The following ZC3H7B variants were observed in gnomAD, a reference collection of about 807,000 sequenced individuals.
The protein encoded by ZC3H7B is zinc finger CCCH-type containing 7B, also known as zinc finger CCCH domain-containing protein 7B.
ZC3H7B carries 35 observed loss-of-function variants against 116.0 expected under a neutral mutation model. That is an observed-to-expected ratio of 0.30 (90% CI 0.23 to 0.40). The LOEUF (loss-of-function observed/expected upper bound fraction) is 0.40, where lower values mean the gene tolerates loss of function less well. Ranked by LOEUF, ZC3H7B falls within the 10% of genes least tolerant of loss-of-function variation. ZC3H7B has a pLI of 1.00. For missense variants in ZC3H7B, 1,011 were observed against 1,321.5 expected, an observed-to-expected ratio of 0.77 and a Z score of 3.64; for synonymous variants, 502 against 545.6, an observed-to-expected ratio of 0.92 and a Z score of 1.11.
In ZC3H7B at chr22:41,327,093, CCT is replaced by C; in HGVS notation, c.286-110_286-109del. The C allele has an allele frequency of 9.5e-6, 14 of 1,474,850 alleles. No homozygotes were observed. Among genetic ancestry groups the C allele is most frequent in the Non-Finnish European group, 1.3e-5 (14 of 1,095,460 alleles). The allele number at this position is 1,474,850 out of a possible 1,614,324, so 91.4% of individuals were successfully genotyped here. A position where few individuals can be genotyped will look rare whatever the true frequency, so the allele number is the denominator to read the frequency against. On this transcript the variant is annotated intron_variant, in intron 4 of 22. Coordinates refer to ENST00000352645, the MANE Select transcript of ZC3H7B (RefSeq NM_017590.6). This position sits in a 1 kb window ranked among gnomAD's most constrained non-coding sequence, Gnocchi z 4.5. ...CTGTCCCTGACCCAAGACTTCAGCTCCTCTGTCTCTGCCAGGAAGGGAAGCTG... is the reference window on the plus strand; with the variant it reads ...CTGTCCCTGACCCAAGACTTCAGCTCCTGTCTCTGCCAGGAAGGGAAGCTG...
At chr22:41,303,457 T>G (rs2036000711) in intron 1 of ZC3H7B, among the ~76,000 whole-genome samples, 1 of 152,222 alleles carries the variant, frequency 6.6e-6, no homozygotes, top group South Asian at 2.1e-4. Flanking sequence ...AGCTGAGATG[T>G]CGGTTGAGAC....
chr22:41,351,555 C>T lies in ZC3H7B; in HGVS notation c.1949-6C>T, dbSNP rs776396702. 1 of 1,612,246 alleles carries T rather than the reference C, an allele frequency of 6.2e-7. No individual in the cohort carries two copies. The highest frequency in any genetic ancestry group is 2.2e-5 in the East Asian group (1 of 44,832). On this transcript the variant is annotated splice_region_variant and splice_polypyrimidine_tract_variant and intron_variant, in intron 16 of 22. Coordinates refer to ENST00000352645, the MANE Select transcript of ZC3H7B (RefSeq NM_017590.6). The surrounding 1 kb of genome is among the most constrained non-coding windows in gnomAD (Gnocchi z 5.1). ...AGATGCCTGTGTCTGCCCCCACCCT[C>T]CCCAGGCATGACCCACGAAGACATC... is the stretch of plus-strand genomic sequence containing the variant.
At position 41,327,388 on chromosome 22, in the gene ZC3H7B, C is replaced by T; in HGVS notation, c.444+24C>T. On this transcript the variant is annotated intron_variant, in intron 5 of 22. Transcript: ENST00000352645. This position sits in a 1 kb window ranked among gnomAD's most constrained non-coding sequence, Gnocchi z 4.5. ...ACGTGAGTGTGGCTCTGCAGCCACGCCGGTGCCTGCTCAGAGGCCAGGCTT... is the reference window on the plus strand; with the variant it reads ...ACGTGAGTGTGGCTCTGCAGCCACGTCGGTGCCTGCTCAGAGGCCAGGCTT... 6.2e-7 allele frequency: 1 copy of T among 1,603,616 alleles called. No individual in the cohort carries two copies. The highest frequency in any genetic ancestry group is 8.5e-7 in the Non-Finnish European group (1 of 1,178,664).
intron 1 of ZC3H7B, among the ~76,000 whole-genome samples, chr22:41,315,456 A>G (rs925406052): frequency 6.8e-6 from 1 of 147,482 alleles, no homozygotes; most frequent in Admixed American, 7.2e-5. Context: ...TCCCAATTAC[A>G]GGTATGAGCC....
At chr22:41,308,628 C>T (rs2036077517) in intron 1 of ZC3H7B, among the ~76,000 whole-genome samples, 1 of 152,208 alleles carries the variant, frequency 6.6e-6, no homozygotes, top group South Asian at 2.1e-4. Context: ...GTCCTCCCTG[C>T]AGTAGCCAAA....
chr22:41,342,955 T>G (rs1409236671), intron 12 of ZC3H7B, among the ~76,000 whole-genome samples: 1 of 152,142 alleles, frequency 6.6e-6, no homozygotes, highest in East Asian at 1.9e-4. Context: ...GGCAGATCAC[T>G]TGAGGTCAGG....
At chr22:41,323,838 A>G (rs1375218456) in intron 2 of ZC3H7B, among the ~76,000 whole-genome samples, 2 of 152,208 alleles carry the variant, frequency 1.3e-5, no homozygotes, top group Non-Finnish European at 2.9e-5. Flanking sequence ...TGGGAGGCCA[A>G]GGCAGGCGGA....
In ZC3H7B at chr22:41,338,332, G is replaced by C. The variant is rs758292814; in HGVS notation, c.602G>C (p.Gly201Ala). 1.9e-6 allele frequency: 3 copies of C among 1,613,626 alleles called. No homozygotes were observed. Among genetic ancestry groups the C allele is most frequent in the African/African-American group, 2.7e-5 (2 of 74,844 alleles). ...CCACAGGGAACTTCTAATGGATTGG[G>C]GTCCATAGATGACATCGAAACAGGT... Reference protein sequence around the residue: ...VADQGTSNGLGSIDDIETDCY... With the variant: ...VADQGTSNGLASIDDIETDCY... The change falls in exon 8 of 23, where the codon GGG becomes GCG. Residue 201 changes from glycine to alanine, a missense_variant. Around this residue, in one of 5 missense-constraint regions of ZC3H7B, gnomAD observed 322 missense variants for 443.9 expected, o/e 0.73. Coordinates refer to ENST00000352645, the MANE Select transcript of ZC3H7B (RefSeq NM_017590.6). This position sits in a 1 kb window ranked among gnomAD's most constrained non-coding sequence, Gnocchi z 4.5.
In ZC3H7B at chr22:41,338,471, C is replaced by A. The variant is rs569513580; in HGVS notation, c.625+116C>A. The stretch of plus-strand genomic sequence containing the variant: ...GGGAGGGCCTCCGAGGGGTTCCCCA[C>A]CCTGGTACTCCCTGAGGCATGGGAG... On this transcript the variant is annotated intron_variant, in intron 8 of 22. Transcript: ENST00000352645. The surrounding 1 kb of genome is among the most constrained non-coding windows in gnomAD (Gnocchi z 4.5). 6.8e-6 allele frequency: 7 copies of A among 1,029,986 alleles called. No homozygotes were observed. The African/African-American group carries it at 1.1e-4, about 16-fold the overall frequency. The allele number at this position is 1,029,986 out of a possible 1,614,324, so 63.8% of individuals were successfully genotyped here.
intron 1 of ZC3H7B, among the ~76,000 whole-genome samples, chr22:41,310,041 T>C (rs1012473209): frequency 1.9e-4 from 29 of 151,798 alleles, no homozygotes; most frequent in African/African-American, 7.0e-4. Flanking sequence ...CCGTCTCTAC[T>C]AAAAATACAA....
chr22:41,329,895 G>C, intron 5 of ZC3H7B, 128 bp from the exon 6 acceptor site: 2 of 825,806 alleles, frequency 2.4e-6, no homozygotes, highest in Non-Finnish European at 3.6e-6. Context: ...ACCTCCTGGG[G>C]CCTCACTTTC....
rs539331867 is a variant in ZC3H7B at position 41,302,952 on chromosome 22, C to T, written c.-7+1180C>T. Among the ~76,000 whole-genome samples the T allele has an allele frequency of 6.6e-6, 1 of 152,344 alleles. No individual in the cohort carries two copies. Among genetic ancestry groups the T allele is most frequent in the East Asian group, 1.9e-4 (1 of 5,194 alleles). On this transcript the variant is annotated intron_variant, in intron 1 of 22. Coordinates refer to ENST00000352645, the MANE Select transcript of ZC3H7B (RefSeq NM_017590.6). This position sits in a 1 kb window ranked among gnomAD's most constrained non-coding sequence, Gnocchi z 5.7. ...AACCCCAACTTCTTGCCATATTCCT[C>T]AGCATCTGCAGTTCAGCCTGATGAA... is the stretch of plus-strand genomic sequence containing the variant.
intron 1 of ZC3H7B, among the ~76,000 whole-genome samples, chr22:41,310,067 T>C: frequency 6.6e-6 from 1 of 151,964 alleles, no homozygotes; most frequent in Admixed American, 6.6e-5. Flanking sequence ...TAGCCAGGCG[T>C]GGTGGCGGGC....
At chr22:41,347,953 A>G in intron 14 of ZC3H7B, 114 bp from the exon 15 acceptor site, 2 of 845,228 alleles carry the variant, frequency 2.4e-6, no homozygotes, top group Non-Finnish European at 4.0e-6. Context: ...CCTCTGACCC[A>G]GGGCAGGGCT....
In ZC3H7B at chr22:41,327,425, G is replaced by GC; in HGVS notation, c.444+64dup. 6.3e-7 allele frequency: 1 copy of GC among 1,577,042 alleles called. No homozygotes were observed. Among genetic ancestry groups the GC allele is most frequent in the South Asian group, 1.1e-5 (1 of 88,674 alleles). On this transcript the variant is annotated intron_variant, in intron 5 of 22. Coordinates refer to ENST00000352645, the MANE Select transcript of ZC3H7B (RefSeq NM_017590.6). This position sits in a 1 kb window ranked among gnomAD's most constrained non-coding sequence, Gnocchi z 4.5. ...CAGAGGCCAGGCTTCTGACCTTCCG[G>GC]CCCTCACTTGGGCCCAGCCACCACA...
At chr22:41,307,736 G>C (rs1439701193) in intron 1 of ZC3H7B, among the ~76,000 whole-genome samples, 3 of 152,158 alleles carry the variant, frequency 2.0e-5, no homozygotes, top group Non-Finnish European at 2.9e-5. Context: ...TTCAAGACCA[G>C]AGCAATCATT....
intron 2 of ZC3H7B, among the ~76,000 whole-genome samples, chr22:41,321,750 C>G (rs2036258828): frequency 6.7e-6 from 1 of 148,304 alleles, no homozygotes; most frequent in Non-Finnish European, 1.5e-5. Context: ...GGTTAAGCAA[C>G]TTGTTTAAGG....
At position 41,327,265 on chromosome 22, in the gene ZC3H7B, T is replaced by C. The variant is rs922353727; in HGVS notation, c.345T>C (p.Ser115=). 3.1e-6 allele frequency: 5 copies of C among 1,613,764 alleles called. No homozygotes were observed. The highest frequency in any genetic ancestry group is 2.5e-6 in the Non-Finnish European group (3 of 1,180,022). ...AGGCGCTGGGCCTGGACAGTGAGAG[T>C]ATCCGGGCGTTGTTCCGCAAGGCAC... ...SEKALGLDSE[S]IRALFRKARA... The change falls in exon 5 of 23, where the codon AGT becomes AGC. Residue 115 remains serine, a synonymous_variant. Transcript: ENST00000352645. The surrounding 1 kb of genome is among the most constrained non-coding windows in gnomAD (Gnocchi z 4.5).
At position 41,330,109 on chromosome 22, in the gene ZC3H7B, T is replaced by C. The variant is rs773950340; in HGVS notation, c.525+6T>C. 6.2e-7 allele frequency: 1 copy of C among 1,613,530 alleles called. No individual in the cohort carries two copies. On this transcript the variant is annotated splice_donor_region_variant and intron_variant, in intron 6 of 22. Transcript: ENST00000352645. ...AGGCGTATAAGAGGCCCCAGGTAGG[T>C]GGGTTCGGGACCCTGGGAGGGTCGG... is the stretch of plus-strand genomic sequence containing the variant.
Sources: gnomAD v4.1 joint callset for allele counts (sites outside exome capture counted in the v4.1 genomes callset) on GRCh38, gnomAD v4.1.1 for gene constraint, gnomAD v4.1.1 regional missense constraint, Gnocchi (gnomAD v3.1) non-coding constraint, MANE v1.5 for transcripts, NCBI Gene and HGNC (gene_info 2026-07-23, HGNC 2026-07-21) for gene names.